Variants in SLFNL1 observed in about 807,000 individuals in gnomAD.
SLFNL1 encodes the protein schlafen like 1, also known as schlafen-like protein 1.
Under a neutral mutation model 32.5 loss-of-function variants are expected in SLFNL1, and 26 were observed. The observed-to-expected ratio is 0.80, with a 90% CI of 0.59 to 1.11. The LOEUF (loss-of-function observed/expected upper bound fraction) is 1.11, where lower values mean the gene tolerates loss of function less well. Ranked by LOEUF, SLFNL1 falls within the 50% of genes least tolerant of loss-of-function variation. The pLI is 0.00. For synonymous variants in SLFNL1, 255 were observed against 242.2 expected, an observed-to-expected ratio of 1.05 and a Z score of -0.49; for missense variants, 553 against 546.5, an observed-to-expected ratio of 1.01 and a Z score of -0.12.
rs200327092 is a variant in SLFNL1, at chr1:41,016,066, G to T, written c.*40C>A. 838 of 1,591,606 alleles carry T rather than the reference G, an allele frequency of 5.3e-4. 1 individual carries two copies. Among genetic ancestry groups the T allele is most frequent in the Non-Finnish European group, 6.6e-4 (772 of 1,167,246 alleles). ...CAAACAGGAAATCCCTGGGTCTCAG[G>T]TGGAGAGTGCCGTGCCGTCCTGCCT... is the stretch of plus-strand genomic sequence containing the variant. On this transcript the variant is annotated 3_prime_UTR_variant, in exon 6 of 6. Transcript: ENST00000302946.
chr1:41,016,328 G>A, intron 5 of SLFNL1, 100 bp from the exon 6 acceptor site: 2 of 1,504,170 alleles, frequency 1.3e-6, no homozygotes, highest in Non-Finnish European at 1.8e-6. Flanking sequence ...CAAAGCCCAG[G>A]AGCCTGAGAG....
At position 41,018,401 on chromosome 1, in the gene SLFNL1, G is replaced by T. The variant is rs998271194; in HGVS notation, c.436-245C>A. The T allele has an allele frequency of 1.1e-5, 5 of 436,324 alleles. No individual in the cohort carries two copies. In the Admixed American group the frequency reaches 1.2e-4, roughly 10 times the overall value. The allele number at this position is 436,324 out of a possible 1,614,324, so 27.0% of individuals were successfully genotyped here. A position where few individuals can be genotyped will look rare whatever the true frequency, so the allele number is the denominator to read the frequency against. Reference sequence around the variant, plus strand: ...TCCCTGCCAAGCTGGGCCCTTCCCAGGTGAGCTGTGGGATGCCTGGTGGGG... The same window carrying T: ...TCCCTGCCAAGCTGGGCCCTTCCCATGTGAGCTGTGGGATGCCTGGTGGGG... On this transcript the variant is annotated intron_variant, in intron 3 of 5. Transcript: ENST00000302946.
intron 3 of SLFNL1, among the ~76,000 whole-genome samples, chr1:41,019,611 A>G (rs1476205622): frequency 2.0e-5 from 3 of 152,110 alleles, no homozygotes; most frequent in Non-Finnish European, 2.9e-5. Context: ...GTTCCTCTGC[A>G]TATTCTGTGT....
chr1:41,018,828 GTTTTT>G (rs34061852), intron 3 of SLFNL1, among the ~76,000 whole-genome samples: 108 of 60,644 alleles, frequency 1.8e-3, no homozygotes, highest in African/African-American at 6.7e-3. Flanking sequence ...CAACCCTCCT[GTTTTT>G]TTTTTTTTTT....
In SLFNL1 at chr1:41,020,628, C is replaced by T. The variant is rs752807169; in HGVS notation, c.33G>A (p.Gln11=). The stretch of plus-strand genomic sequence containing the variant: ...AGGACTCCATGAAGGGCTCTGACAC[C>T]TGTGTTTGCACTGATCTCTTCATGG... MTPMKRSVQT[Q]VSEPFMESWG... The change falls in exon 3 of 6, where the codon CAG becomes CAA. Residue 11 remains glutamine, a synonymous_variant. Coordinates refer to ENST00000302946, the MANE Select transcript of SLFNL1 (RefSeq NM_144990.4). 5 of 1,613,266 alleles carry T rather than the reference C, an allele frequency of 3.1e-6. No individual in the cohort carries two copies. The highest frequency in any genetic ancestry group is 4.2e-6 in the Non-Finnish European group (5 of 1,179,962).
chr1:41,017,103 C>T lies in SLFNL1; in HGVS notation c.1101+131G>A. ...GGGATGTGGTGTGATTGTATTCCAA[C>T]CCCTTGGGTTCAACGGGGTGATGCA... On this transcript the variant is annotated intron_variant, in intron 5 of 5. Transcript: ENST00000302946. The surrounding 1 kb of genome is among the most constrained non-coding windows in gnomAD (Gnocchi z 4.9). The T allele has an allele frequency of 8.6e-7, 1 of 1,161,174 alleles. No homozygotes were observed. Among genetic ancestry groups the T allele is most frequent in the Non-Finnish European group, 1.2e-6 (1 of 851,362 alleles). 71.9% of individuals were successfully genotyped at this position (1,161,174 alleles called of 1,614,324 possible).
chr1:41,020,597 C>T lies in SLFNL1; in HGVS notation c.64G>A (p.Glu22Lys), dbSNP rs1643762577. Residue 22 changes from glutamate (E) to lysine (K), a missense_variant, in exon 3 of 6, where the codon GAG becomes AAG. Coordinates refer to ENST00000302946, the MANE Select transcript of SLFNL1 (RefSeq NM_144990.4). ...VSEPFMESWG[E>K]ESLPELPAEQ... Reference sequence around the variant, plus strand: ...GCGGGTAGCTCCGGCAGGGACTCCTCACCCCAGGACTCCATGAAGGGCTCT... The same window carrying T: ...GCGGGTAGCTCCGGCAGGGACTCCTTACCCCAGGACTCCATGAAGGGCTCT... The T allele has an allele frequency of 6.2e-7, 1 of 1,613,352 alleles. No individual in the cohort carries two copies. The highest frequency in any genetic ancestry group is 8.5e-7 in the Non-Finnish European group (1 of 1,180,032).
At position 41,019,577 on chromosome 1, in the gene SLFNL1, A is replaced by G. The variant is rs184210363; in HGVS notation, c.435+649T>C. ...CCAAATGGTTTGCCCTTCTGCAGAC[A>G]TGACACTCCCTCTAAGCCCCCAGGT... On this transcript the variant is annotated intron_variant, in intron 3 of 5. Transcript: ENST00000302946. 1.1e-3 allele frequency among the ~76,000 whole-genome samples: 172 copies of G among 152,266 alleles called. 3 individuals carry two copies. The highest frequency in any genetic ancestry group is 5.7e-4 in the Non-Finnish European group (39 of 68,018).
rs983097236 is a variant in SLFNL1, at chr1:41,017,136, G to A, written c.1101+98C>T. 6 of 1,411,188 alleles carry A rather than the reference G, an allele frequency of 4.3e-6. No individual in the cohort carries two copies. In the South Asian group the frequency reaches 7.2e-5, roughly 17 times the overall value. The allele number at this position is 1,411,188 out of a possible 1,614,324, so 87.4% of individuals were successfully genotyped here. ...GTTCAACGGGGTGATGCAGGACCCA[G>A]GGAACCATGGTGGCTTGCCCTGGGC... On this transcript the variant is annotated intron_variant, in intron 5 of 5. Coordinates refer to ENST00000302946, the MANE Select transcript of SLFNL1 (RefSeq NM_144990.4). The surrounding 1 kb of genome is among the most constrained non-coding windows in gnomAD (Gnocchi z 4.9).
Position 41,017,614 on chromosome 1 carries a change from C to T in SLFNL1, c.957+21G>A, listed in dbSNP as rs765145753. 2.6e-6 allele frequency: 4 copies of T among 1,514,330 alleles called. No individual in the cohort carries two copies. The highest frequency in any genetic ancestry group is 1.8e-6 in the Non-Finnish European group (2 of 1,130,996). 93.8% of individuals were successfully genotyped at this position (1,514,330 alleles called of 1,614,324 possible). A position where few individuals can be genotyped will look rare whatever the true frequency, so the allele number is the denominator to read the frequency against. ...GATGACAGATGACAGGCCCAGAGGC[C>T]CTCCTGTCCTGCAGGCTCACCTTGA... is the stretch of plus-strand genomic sequence containing the variant. On this transcript the variant is annotated intron_variant, in intron 4 of 5. Coordinates refer to ENST00000302946, the MANE Select transcript of SLFNL1 (RefSeq NM_144990.4). The surrounding 1 kb of genome is among the most constrained non-coding windows in gnomAD (Gnocchi z 4.9).
At position 41,017,638 on chromosome 1, in the gene SLFNL1, G is replaced by C. The variant is rs1489850386; in HGVS notation, c.954C>G (p.Leu318=). Residue 318 remains leucine (L), a synonymous_variant, in exon 4 of 6, where the codon CTC becomes CTG. Transcript: ENST00000302946. The surrounding 1 kb of genome is among the most constrained non-coding windows in gnomAD (Gnocchi z 4.9). ...CCCTCCTGTCCTGCAGGCTCACCTTGAGGGGGACGCTGGTCTCCGAGGTAC... is the reference window on the plus strand; with the variant it reads ...CCCTCCTGTCCTGCAGGCTCACCTTCAGGGGGACGCTGGTCTCCGAGGTAC... The part of the protein sequence containing the change: ...VISTSETSVP[L]KVIRLTVHTP... 6.6e-7 allele frequency: 1 copy of C among 1,525,990 alleles called. No homozygotes were observed. Among genetic ancestry groups the C allele is most frequent in the Non-Finnish European group, 8.8e-7 (1 of 1,134,454 alleles). 94.5% of individuals were successfully genotyped at this position (1,525,990 alleles called of 1,614,324 possible). A position where few individuals can be genotyped will look rare whatever the true frequency, so the allele number is the denominator to read the frequency against.
intron 1 of SLFNL1, chr1:41,021,360 G>T (rs1227505548): frequency 6.5e-6 from 1 of 152,700 alleles, no homozygotes; most frequent in Non-Finnish European, 1.5e-5. Context: ...TAGACCCTAA[G>T]AACTAGTCTA....
chr1:41,020,988 T>C (rs1643791918), intron 1 of SLFNL1, 118 bp from the exon 2 acceptor site: 2 of 288,038 alleles, frequency 6.9e-6, no homozygotes, highest in Non-Finnish European at 1.3e-5. Context: ...AGCTCCACCA[T>C]TTCAGTGGCC....
rs372854218 is a variant in SLFNL1, at chr1:41,017,826, C to T, written c.766G>A (p.Gly256Ser). 86 of 1,598,322 alleles carry T rather than the reference C, an allele frequency of 5.4e-5. No homozygotes were observed. The highest frequency in any genetic ancestry group is 1.7e-4 in the African/African-American group (13 of 74,800). Residue 256 changes from glycine to serine, a missense_variant, in exon 4 of 6, where the codon GGC becomes AGC. Transcript: ENST00000302946. This position sits in a 1 kb window ranked among gnomAD's most constrained non-coding sequence, Gnocchi z 4.9. ...TCCTCTACTCCCACGAGCAGGCTGC[C>T]GCCCTCGCTGTTGAGGAAGGCGCAC... ...YVCAFLNSEG[G>S]SLLVGVEDSG...
At chr1:41,021,043 C>T (rs568345196) in intron 1 of SLFNL1, 173 bp from the exon 2 acceptor site, 16 of 201,824 alleles carry the variant, frequency 7.9e-5, no homozygotes, top group Admixed American at 5.7e-4. Flanking sequence ...CTAGGGGCCT[C>T]CTAGGTACCC....
In SLFNL1 at chr1:41,017,314, G is replaced by T. The variant is rs1440191775; in HGVS notation, c.1021C>A (p.Gln341Lys). 4.3e-6 allele frequency: 7 copies of T among 1,613,660 alleles called. No homozygotes were observed. Among genetic ancestry groups the T allele is most frequent in the African/African-American group, 1.3e-5 (1 of 74,914 alleles). The part of the protein sequence containing the change: ...QSQPQLYQTD[Q>K]GEVFLRRDGS... ...TCGCGCCGCAGAAACACCTCCCCCT[G>T]GTCTGTCTGGTAGAGTTGCGGCTGG... is the stretch of plus-strand genomic sequence containing the variant. The change falls in exon 5 of 6, where the codon CAG becomes AAG. Residue 341 changes from glutamine to lysine, a missense_variant. Physicochemically the swap from Gln to Lys is moderately conservative, Grantham distance 53. Transcript: ENST00000302946. The surrounding 1 kb of genome is among the most constrained non-coding windows in gnomAD (Gnocchi z 4.9).
In SLFNL1 at chr1:41,017,267, C is replaced by CA; in HGVS notation, c.1067dup (p.Ser357ValfsTer67). The CA allele has an allele frequency of 5.0e-6, 8 of 1,602,940 alleles. No individual in the cohort carries two copies. The highest frequency in any genetic ancestry group is 6.8e-6 in the Non-Finnish European group (8 of 1,175,848). On this transcript the variant is annotated frameshift_variant, in exon 5 of 6. Transcript: ENST00000302946. LOFTEE classifies it high-confidence loss of function. The surrounding 1 kb of genome is among the most constrained non-coding windows in gnomAD (Gnocchi z 4.9). ...ACCACTCCTGGATGGCGCTGGCAGACAGCGGGCCCTGGATGCTCCCGTCGC... is the reference window on the plus strand; with the variant it reads ...ACCACTCCTGGATGGCGCTGGCAGACAAGCGGGCCCTGGATGCTCCCGTCGC...
At position 41,016,498 on chromosome 1, in the gene SLFNL1, T is replaced by A. The variant is rs56900231; in HGVS notation, c.1102-270A>T. On this transcript the variant is annotated intron_variant, in intron 5 of 5. Transcript: ENST00000302946. ...TGTTGGTCCCTTGTCCTCCATTCTCTGTTTCCCTCTTGAAAAAGCTCTTCC... is the reference window on the plus strand; with the variant it reads ...TGTTGGTCCCTTGTCCTCCATTCTCAGTTTCCCTCTTGAAAAAGCTCTTCC... The A allele has an allele frequency of 5.6e-3, 2,522 of 446,722 alleles. 58 individuals are homozygous for A. The highest frequency in any genetic ancestry group is 0.046 in the African/African-American group (2,300 of 49,516). The allele number at this position is 446,722 out of a possible 1,614,324, so 27.7% of individuals were successfully genotyped here.
In SLFNL1 at chr1:41,017,948, C is replaced by T. The variant is rs769311448; in HGVS notation, c.644G>A (p.Gly215Asp). ...GCGGGTCTCGCTGCCCAGGAAGGCACCCTGGAAGAGCTGGTCCTTGCCCAC... is the reference window on the plus strand; with the variant it reads ...GCGGGTCTCGCTGCCCAGGAAGGCATCCTGGAAGAGCTGGTCCTTGCCCAC... ...QIVGKDQLFQ[G>D]AFLGSETRNM... Residue 215 changes from glycine (G) to aspartate (D), a missense_variant, in exon 4 of 6, where the codon GGT (glycine) becomes GAT (aspartate). By Grantham distance (94) the Gly-to-Asp change is moderately conservative. Transcript: ENST00000302946. This position sits in a 1 kb window ranked among gnomAD's most constrained non-coding sequence, Gnocchi z 4.9. 3.1e-6 allele frequency: 5 copies of T among 1,612,068 alleles called. No homozygotes were observed. In the African/African-American group the frequency reaches 5.3e-5, roughly 17 times the overall value.
Sources: gnomAD v4.1 joint callset for allele counts (sites outside exome capture counted in the v4.1 genomes callset) on GRCh38, gnomAD v4.1.1 for gene constraint, Gnocchi (gnomAD v3.1) non-coding constraint, MANE v1.5 for transcripts, NCBI Gene and HGNC (gene_info 2026-07-23, HGNC 2026-07-21) for gene names.